SBNO2: variants seen among roughly 807,000 people sequenced by gnomAD.
SBNO2 encodes the protein strawberry notch homolog 2.
In SBNO2, 89 loss-of-function variants were observed where a neutral mutation model predicts 146.3. The ratio of observed to expected loss-of-function variants is 0.61; its 90% CI spans 0.51 to 0.73. SBNO2 has a LOEUF of 0.73. Among genes scored for constraint, SBNO2 ranks in the 30% least tolerant of loss-of-function variants. The pLI, the probability that SBNO2 is intolerant of heterozygous loss-of-function variation, is 0.00. For missense variants in SBNO2, 2,092 were observed against 2,003.7 expected (o/e 1.04, Z -0.84); for synonymous variants, 1,147 against 892.6 (o/e 1.29, Z -5.08).
At chr19:1,172,785 C>CCCCCCCCCCCCCCCCCCA (rs1555730539) in intron 1 of SBNO2, among the ~76,000 whole-genome samples, 1 of 92,268 alleles carries the variant, frequency 1.1e-5, no homozygotes, top group Non-Finnish European at 2.2e-5. Flanking sequence ...ACCGCCCCCC[C>CCCCCCCCCCCCCCCCCCA]CGCCCCGGCA....
rs2079748581 is a variant in SBNO2, at chr19:1,110,815, G to A, written c.2958C>T (p.Tyr986=). Residue 986 remains tyrosine, a synonymous_variant, in exon 26 of 32, where the codon TAC becomes TAT. Transcript: ENST00000361757. This position sits in a 1 kb window ranked among gnomAD's most constrained non-coding sequence, Gnocchi z 4.9. ...EVHKQNALFQ[Y]FSDTFDHLIE... ...TGAGGTGGTCGAAGGTGTCTGAGAA[G>A]TACTGGAACAGGGCGTTCTGCTTGT... The A allele has an allele frequency of 1.2e-6, 2 of 1,613,692 alleles. No homozygotes were observed. The highest frequency in any genetic ancestry group is 4.5e-5 in the East Asian group (2 of 44,872).
rs755037252 is a variant in SBNO2, at chr19:1,122,809, G to A, written c.781-18C>T. The A allele has an allele frequency of 7.2e-6, 11 of 1,538,156 alleles. No homozygotes were observed. In the African/African-American group the frequency reaches 1.2e-4, roughly 17 times the overall value. On this transcript the variant is annotated intron_variant, in intron 8 of 31. Coordinates refer to ENST00000361757, the MANE Select transcript of SBNO2 (RefSeq NM_014963.3). Reference sequence around the variant, plus strand: ...TCGTGTTGCTGTTGCCGGAGAGCAGGCGTCAGGGCCTGGGGGTGCTGGCCC... The same window carrying A: ...TCGTGTTGCTGTTGCCGGAGAGCAGACGTCAGGGCCTGGGGGTGCTGGCCC...
In SBNO2 at chr19:1,164,428, G is replaced by A. The variant is rs1379767461; in HGVS notation, c.-127+9744C>T. Among the ~76,000 whole-genome samples, 94 of 143,920 alleles carry A rather than the reference G, an allele frequency of 6.5e-4. 2 individuals carry two copies. Among genetic ancestry groups the A allele is most frequent in the South Asian group, 4.5e-3 (20 of 4,398 alleles). 94.4% of individuals were successfully genotyped at this position (143,920 alleles called of 152,430 possible). A position where few individuals can be genotyped will look rare whatever the true frequency, so the allele number is the denominator to read the frequency against. ...AGGAGGAGGAGGAGGAACAGGAGGA[G>A]GAGGAGGAGGAGGAGGAGGAGAAAC... is the stretch of plus-strand genomic sequence containing the variant. On this transcript the variant is annotated intron_variant, in intron 1 of 31. Coordinates refer to ENST00000361757, the MANE Select transcript of SBNO2 (RefSeq NM_014963.3).
In SBNO2 at chr19:1,107,954, C is replaced by T; in HGVS notation, c.*266G>A. The T allele has an allele frequency of 3.6e-6, 1 of 274,928 alleles. No individual in the cohort carries two copies. Among genetic ancestry groups the T allele is most frequent in the Non-Finnish European group, 6.9e-6 (1 of 145,274 alleles). The allele number at this position is 274,928 out of a possible 1,614,324, so 17.0% of individuals were successfully genotyped here. On this transcript the variant is annotated 3_prime_UTR_variant, in exon 32 of 32. Coordinates refer to ENST00000361757, the MANE Select transcript of SBNO2 (RefSeq NM_014963.3). ...GGCCCACTGAGCCCTTGTGGGTGCC[C>T]AGTCCCAGAGCAGCCACCCGGAGCC... is the stretch of plus-strand genomic sequence containing the variant.
intron 5 of SBNO2, among the ~76,000 whole-genome samples, chr19:1,124,380 A>G (rs1401149338): frequency 1.3e-5 from 2 of 152,206 alleles, no homozygotes; most frequent in African/African-American, 4.8e-5. Flanking sequence ...GGCTGTGGAC[A>G]GGGGTCTGAC....
chr19:1,159,751 G>A (rs1467357318), intron 1 of SBNO2, among the ~76,000 whole-genome samples: 3 of 111,480 alleles, frequency 2.7e-5, no homozygotes, highest in Non-Finnish European at 5.7e-5. Flanking sequence ...CAGGGAGACA[G>A]CGGGGAGATG....
chr19:1,109,230 A>G lies in SBNO2; in HGVS notation c.3349-19T>C, dbSNP rs775500991. 1 of 1,570,838 alleles carries G rather than the reference A, an allele frequency of 6.4e-7. No homozygotes were observed. Among genetic ancestry groups the G allele is most frequent in the Non-Finnish European group, 8.6e-7 (1 of 1,158,836 alleles). On this transcript the variant is annotated intron_variant, in intron 29 of 31. Coordinates refer to ENST00000361757, the MANE Select transcript of SBNO2 (RefSeq NM_014963.3). This position sits in a 1 kb window ranked among gnomAD's most constrained non-coding sequence, Gnocchi z 4.2. ...CGGTGACCTAGGGACACAGGGCCGCATGAGCCTGGGCGGGGTCAGGGCCGG... is the reference window on the plus strand; with the variant it reads ...CGGTGACCTAGGGACACAGGGCCGCGTGAGCCTGGGCGGGGTCAGGGCCGG...
chr19:1,166,079 GATCCCAGACCCTAGATCCCAA>G (rs2080419224), intron 1 of SBNO2, among the ~76,000 whole-genome samples: 1 of 8,882 alleles, frequency 1.1e-4, no homozygotes. Flanking sequence ...CCAGATCTCA[GATCCCAGACCCTAGATCCCAA>G]ACCCCAGATC....
intron 11 of SBNO2, among the ~76,000 whole-genome samples, chr19:1,121,891 A>G (rs35126999): frequency 0.49 from 74,501 of 152,002 alleles, 18,541 homozygotes; most frequent in Admixed American, 0.55. Flanking sequence ...CCAGCCTCCC[A>G]GGACCAGAAA....
Position 1,147,425 on chromosome 19 carries a change from A to T in SBNO2, c.168-5T>A. 47 of 582,070 alleles carry T rather than the reference A, an allele frequency of 8.1e-5. No individual in the cohort carries two copies. Among genetic ancestry groups the T allele is most frequent in the Non-Finnish European group, 1.0e-4 (40 of 396,936 alleles). The allele number at this position is 582,070 out of a possible 1,614,324, so 36.1% of individuals were successfully genotyped here. ...GAGGCGGAGCTCATGAACGGGCTGG[A>T]GGGAGATGGGGGGGGGGGAGGTGAG... On this transcript the variant is annotated splice_region_variant and splice_polypyrimidine_tract_variant and intron_variant, in intron 3 of 31. Transcript: ENST00000361757.
chr19:1,111,981 C>A lies in SBNO2; in HGVS notation c.2700+15G>T, dbSNP rs2079767800. The A allele has an allele frequency of 6.2e-7, 1 of 1,609,252 alleles. No homozygotes were observed. The highest frequency in any genetic ancestry group is 8.5e-7 in the Non-Finnish European group (1 of 1,178,324). On this transcript the variant is annotated intron_variant, in intron 23 of 31. Coordinates refer to ENST00000361757, the MANE Select transcript of SBNO2 (RefSeq NM_014963.3). ...GCCCCTGCCCCGCCCCCCAACCCTG[C>A]CTTCCCTGCAGTACCTTGTTCTCAA...
In SBNO2 at chr19:1,119,769, G is replaced by A. The variant is rs1043076969; in HGVS notation, c.1267+137C>T. ...GAGCCAGCGTGGCCTTGGGACAGGC[G>A]CAGAGGTGCCCCAGTGTCCGAGGAG... On this transcript the variant is annotated intron_variant, in intron 12 of 31. Coordinates refer to ENST00000361757, the MANE Select transcript of SBNO2 (RefSeq NM_014963.3). 5.3e-6 allele frequency: 5 copies of A among 942,450 alleles called. No homozygotes were observed. The African/African-American group carries it at 6.5e-5, about 12-fold the overall frequency. 58.4% of individuals were successfully genotyped at this position (942,450 alleles called of 1,614,324 possible).
rs766724776 is a variant in SBNO2, at chr19:1,112,964, G to A, written c.2248-15C>T. On this transcript the variant is annotated splice_polypyrimidine_tract_variant and intron_variant, in intron 19 of 31. Transcript: ENST00000361757. This position sits in a 1 kb window ranked among gnomAD's most constrained non-coding sequence, Gnocchi z 5.9. ...CTGCCGGTCATCTGCAGCCGAGACA[G>A]GGACAAAACCGGCCGTCAGTGTTGT... The A allele has an allele frequency of 1.9e-6, 3 of 1,552,366 alleles. No individual in the cohort carries two copies. Among genetic ancestry groups the A allele is most frequent in the Non-Finnish European group, 2.6e-6 (3 of 1,149,562 alleles).
chr19:1,167,623 T>C (rs953425285), intron 1 of SBNO2, among the ~76,000 whole-genome samples: 1 of 152,106 alleles, frequency 6.6e-6, no homozygotes, highest in Non-Finnish European at 1.5e-5. Flanking sequence ...GTCCCACGCA[T>C]GAGGACATTT....
Position 1,108,633 on chromosome 19 carries a change from G to C in SBNO2, c.3688C>G (p.Arg1230Gly), listed in dbSNP as rs562451114. The change falls in exon 32 of 32, where the codon CGC becomes GGC. Residue 1230 changes from arginine (R) to glycine (G), a missense_variant. Coordinates refer to ENST00000361757, the MANE Select transcript of SBNO2 (RefSeq NM_014963.3). ...ELRLMDADVK[R>G]RQAPALGCPA... Reference sequence around the variant, plus strand: ...CAGCCCAGGGCGGGCGCCTGCCTGCGCTTCACGTCCGCATCCATCAGCCGC... The same window carrying C: ...CAGCCCAGGGCGGGCGCCTGCCTGCCCTTCACGTCCGCATCCATCAGCCGC... The C allele has an allele frequency of 1.4e-6, 2 of 1,475,312 alleles. No homozygotes were observed. The highest frequency in any genetic ancestry group is 2.8e-5 in the East Asian group (1 of 35,274). The allele number at this position is 1,475,312 out of a possible 1,614,324, so 91.4% of individuals were successfully genotyped here. A position where few individuals can be genotyped will look rare whatever the true frequency, so the allele number is the denominator to read the frequency against.
intron 4 of SBNO2, among the ~76,000 whole-genome samples, chr19:1,142,572 C>T (rs1034813724): frequency 1.3e-5 from 2 of 151,742 alleles, no homozygotes; most frequent in East Asian, 1.9e-4. Flanking sequence ...CCCAGCTACT[C>T]GGGAGGCTGA....
rs866982558 is a variant in SBNO2, at chr19:1,150,481, T to C, written c.94-1039A>G. Among the ~76,000 whole-genome samples, 151 of 134,488 alleles carry C rather than the reference T, an allele frequency of 1.1e-3. No homozygotes were observed. Among genetic ancestry groups the C allele is most frequent in the African/African-American group, 3.6e-3 (114 of 31,966 alleles). The allele number at this position is 134,488 out of a possible 152,430, so 88.2% of individuals were successfully genotyped here. On this transcript the variant is annotated intron_variant, in intron 2 of 31. Transcript: ENST00000361757. The surrounding 1 kb of genome is among the most constrained non-coding windows in gnomAD (Gnocchi z 6.2). ...ACGGGGGAGACCCTGCCGTCACGGATGCCCCCACGGTCACGGGGGAGACCC... is the reference window on the plus strand; with the variant it reads ...ACGGGGGAGACCCTGCCGTCACGGACGCCCCCACGGTCACGGGGGAGACCC...
chr19:1,117,636 G>T, intron 14 of SBNO2, 137 bp from the exon 15 acceptor site: 1 of 870,626 alleles, frequency 1.1e-6, no homozygotes, highest in Non-Finnish European at 1.7e-6. Flanking sequence ...GGTGCTGGGG[G>T]TGTGCACTGT....
At chr19:1,143,053 T>C (rs951774096) in intron 4 of SBNO2, among the ~76,000 whole-genome samples, 1 of 152,184 alleles carries the variant, frequency 6.6e-6, no homozygotes, top group African/African-American at 2.4e-5. Flanking sequence ...AGGTTCTCCC[T>C]ACCAATCCCT....
Sources: allele counts gnomAD v4.1 joint callset (sites outside exome capture counted in the v4.1 genomes callset), GRCh38; gene constraint gnomAD v4.1.1; non-coding constraint Gnocchi (gnomAD v3.1); transcripts MANE v1.5; gene names NCBI Gene and HGNC (gene_info 2026-07-23, HGNC 2026-07-21).